Variants in RBM7 observed in about 807,000 individuals in gnomAD.
RBM7 encodes the protein RNA binding motif protein 7.
RBM7 carries 13 observed loss-of-function variants against 31.0 expected under a neutral mutation model. The observed-to-expected ratio is 0.42, with a 90% CI of 0.27 to 0.67. The LOEUF is 0.67. RBM7 is among the 30% of genes least tolerant of loss of function. The pLI, the probability that RBM7 is intolerant of heterozygous loss-of-function variation, is 0.24. For missense variants in RBM7, 245 were observed against 326.2 expected (o/e 0.75, Z 1.92); for synonymous variants, 106 against 111.2 (o/e 0.95, Z 0.30).
rs1274758320 is a variant in RBM7, at chr11:114,405,720, C to T, written c.362C>T (p.Thr121Ile). The T allele has an allele frequency of 1.3e-6, 2 of 1,589,234 alleles. No homozygotes were observed. Among genetic ancestry groups the T allele is most frequent in the Non-Finnish European group, 1.7e-6 (2 of 1,171,062 alleles). ...STSPSSRYER[T>I]MDNMTSSAQI... Reference sequence around the variant, plus strand: ...TTTCTTTTTAGCAGGTACGAAAGGACTATGGATAACATGACTTCATCAGCA... The same window carrying T: ...TTTCTTTTTAGCAGGTACGAAAGGATTATGGATAACATGACTTCATCAGCA... Residue 121 changes from threonine to isoleucine, a missense_variant, in exon 4 of 5, where the codon ACT becomes ATT. Physicochemically the swap from Thr to Ile is moderately conservative, Grantham distance 89. Coordinates refer to ENST00000375490, the MANE Select transcript of RBM7 (RefSeq NM_001286045.2).
chr11:114,407,084 C>T (rs1335902386), intron 4 of RBM7: 2 of 167,648 alleles, frequency 1.2e-5, no homozygotes, highest in Non-Finnish European at 2.6e-5. Context: ...CATATCTCTC[C>T]CTTAAAATAT....
At chr11:114,405,620 C>T (rs1946256350) in intron 3 of RBM7, 86 bp from the exon 4 acceptor site, 5 of 879,368 alleles carry the variant, frequency 5.7e-6, no homozygotes, top group Admixed American at 3.1e-5. Context: ...TTGTTCATTC[C>T]GACCTTTGAG....
intron 2 of RBM7, among the ~76,000 whole-genome samples, chr11:114,402,429 A>G (rs1181168419): frequency 4.5e-5 from 4 of 89,550 alleles, no homozygotes; most frequent in East Asian, 3.7e-4. Flanking sequence ...TTTGAGATGG[A>G]GTCTTGCCCT....
intron 3 of RBM7, 110 bp downstream of exon 3, chr11:114,403,025 C>A: frequency 1.0e-6 from 1 of 966,108 alleles, no homozygotes; most frequent in Non-Finnish European, 1.6e-6. Context: ...TCTCTTCATT[C>A]TGCCGTTATT....
intron 3 of RBM7, among the ~76,000 whole-genome samples, chr11:114,404,796 A>G (rs1946244719): frequency 6.6e-6 from 1 of 152,202 alleles, no homozygotes. Context: ...GCATACAGAT[A>G]ATATAACCTG....
At chr11:114,406,020 G>T in intron 4 of RBM7, 2 of 453,108 alleles carry the variant, frequency 4.4e-6, no homozygotes, top group South Asian at 3.0e-5. Context: ...GTTTTCACTG[G>T]GCTGAAATAT....
At chr11:114,402,969 T>C in intron 3 of RBM7, 54 bp downstream of exon 3, 1 of 1,401,092 alleles carries the variant, frequency 7.1e-7, no homozygotes, top group Non-Finnish European at 1.0e-6. Flanking sequence ...TTATAGGGAA[T>C]AGCCTCAAAA....
chr11:114,401,663 C>G (rs771996652), intron 1 of RBM7, 35 bp from the exon 2 acceptor site: 1 of 1,437,768 alleles, frequency 7.0e-7, no homozygotes, highest in Non-Finnish European at 9.2e-7. Context: ...CCCTTAGTTG[C>G]TTTATTTAAA....
rs1565261985 is a variant in RBM7, at chr11:114,407,531, A to G, written c.528A>G (p.Gln176=). The change falls in exon 5 of 5, where the codon CAA becomes CAG. Residue 176 remains glutamine (Q), a synonymous_variant. Coordinates refer to ENST00000375490, the MANE Select transcript of RBM7 (RefSeq NM_001286045.2). ...LDQSGFSPSV[Q]SHSHSFNQSS... ...AATCAGGATTTTCACCATCAGTTCA[A>G]TCACACAGTCATAGTTTCAATCAGT... 8 of 1,614,216 alleles carry G rather than the reference A, an allele frequency of 5.0e-6. No homozygotes were observed. The highest frequency in any genetic ancestry group is 5.9e-6 in the Non-Finnish European group (7 of 1,180,030).
At position 114,407,432 on chromosome 11, in the gene RBM7, T is replaced by C. The variant is rs1384222500; in HGVS notation, c.442-13T>C. ...CTAGAAGTATTAACATTTCCACTTT[T>C]CCTATTCCTCAGATGAACAGTGCTT... On this transcript the variant is annotated splice_polypyrimidine_tract_variant and intron_variant, in intron 4 of 4. Transcript: ENST00000375490. The C allele has an allele frequency of 5.0e-6, 8 of 1,596,092 alleles. No individual in the cohort carries two copies. In the South Asian group the frequency reaches 7.9e-5, roughly 16 times the overall value.
At chr11:114,404,818 C>T (rs967500451) in intron 3 of RBM7, among the ~76,000 whole-genome samples, 8 of 151,966 alleles carry the variant, frequency 5.3e-5, no homozygotes, top group African/African-American at 9.7e-5. Flanking sequence ...TTTGAAAAAA[C>T]GCAAAATTAA....
chr11:114,404,046 G>A lies in RBM7; in HGVS notation c.347+1131G>A, dbSNP rs555978321. On this transcript the variant is annotated intron_variant, in intron 3 of 4. Coordinates refer to ENST00000375490, the MANE Select transcript of RBM7 (RefSeq NM_001286045.2). Reference sequence around the variant, plus strand: ...AAATGGAGAGCAGTAGGGGATTTTGGTAGATAGGCTGGAGAGGGTCTTTTA... The same window carrying A: ...AAATGGAGAGCAGTAGGGGATTTTGATAGATAGGCTGGAGAGGGTCTTTTA... Among the ~76,000 whole-genome samples, 41 of 152,294 alleles carry A rather than the reference G, an allele frequency of 2.7e-4. No homozygotes were observed. The South Asian group carries it at 5.6e-3, about 21-fold the overall frequency.
chr11:114,401,723 T>C lies in RBM7; in HGVS notation c.122T>C (p.Ile41Thr), dbSNP rs768095341. 39 of 1,547,624 alleles carry C rather than the reference T, an allele frequency of 2.5e-5. No homozygotes were observed. The highest frequency in any genetic ancestry group is 4.5e-5 in the Admixed American group (2 of 44,686). Reference sequence around the variant, plus strand: ...GCTGGGCCAGTAATAAAGGTGAAAATTCCAAAAGATAAGGATGGTAAACCA... The same window carrying C: ...GCTGGGCCAGTAATAAAGGTGAAAACTCCAAAAGATAAGGATGGTAAACCA... ...HQAGPVIKVK[I>T]PKDKDGKPKQ... is the part of the protein sequence containing the mutation. Residue 41 changes from isoleucine (I) to threonine (T), a missense_variant, in exon 2 of 5, where the codon ATT (isoleucine) becomes ACT (threonine). Coordinates refer to ENST00000375490, the MANE Select transcript of RBM7 (RefSeq NM_001286045.2).
At position 114,402,830 on chromosome 11, in the gene RBM7, AGT is replaced by A; in HGVS notation, c.263_264del (p.Ser88LysfsTer27). ...TTTTTCAAATTGTTTCATTTTAGGA[AGT>A]AGTCATGCCCCACAAGATGTCAGTT... ...RPIKIQFRSG[S>X]SHAPQDVSLS... On this transcript the variant is annotated frameshift_variant, in exon 3 of 5. Coordinates refer to ENST00000375490, the MANE Select transcript of RBM7 (RefSeq NM_001286045.2). LOFTEE classifies it high-confidence loss of function. 2 of 1,610,536 alleles carry A rather than the reference AGT, an allele frequency of 1.2e-6. No homozygotes were observed. The highest frequency in any genetic ancestry group is 1.7e-6 in the Non-Finnish European group (2 of 1,177,178).
intron 4 of RBM7, 58 bp downstream of exon 4, chr11:114,405,857 G>A: frequency 8.2e-7 from 1 of 1,221,782 alleles, no homozygotes; most frequent in African/African-American, 1.5e-5. Flanking sequence ...TAGTTAAAAT[G>A]TTCGCATTGT....
At position 114,409,353 on chromosome 11, in the gene RBM7, A is replaced by G. The variant is rs1946309473; in HGVS notation, c.*1546A>G. 1.3e-5 allele frequency: 2 copies of G among 148,920 alleles called. No homozygotes were observed. The highest frequency in any genetic ancestry group is 4.9e-5 in the African/African-American group (2 of 40,648). The allele number at this position is 148,920 out of a possible 1,614,324, so 9.2% of individuals were successfully genotyped here. A position where few individuals can be genotyped will look rare whatever the true frequency, so the allele number is the denominator to read the frequency against. On this transcript the variant is annotated 3_prime_UTR_variant, in exon 5 of 5. Transcript: ENST00000375490. ...AGTAGGTTTGTAGATGTTAACGAAGATTAATACTGCATGTTTGTTTTTGTT... is the reference window on the plus strand; with the variant it reads ...AGTAGGTTTGTAGATGTTAACGAAGGTTAATACTGCATGTTTGTTTTTGTT...
intron 2 of RBM7, among the ~76,000 whole-genome samples, chr11:114,402,382 C>CTTTTTCTTTTTTTTTT (rs1946215146): frequency 4.0e-5 from 2 of 50,126 alleles, no homozygotes; most frequent in African/African-American, 1.4e-4. Flanking sequence ...GCTTGAGATT[C>CTTTTTCTTTTTTTTTT]TTTTTTTTTT....
chr11:114,405,889 T>A, intron 4 of RBM7, 90 bp downstream of exon 4: 1 of 904,484 alleles, frequency 1.1e-6, no homozygotes, highest in Non-Finnish European at 1.6e-6. Context: ...GGTTTTTAAT[T>A]AACTTTGTTA....
Position 114,407,907 on chromosome 11 carries a change from C to T in RBM7, c.*100C>T. On this transcript the variant is annotated 3_prime_UTR_variant, in exon 5 of 5. Transcript: ENST00000375490. The stretch of plus-strand genomic sequence containing the variant: ...TGAAAAACTGTACAGAGCAGCTTTA[C>T]AAGTTGTCACATTTCTTTATAAATT... 3.1e-6 allele frequency: 4 copies of T among 1,310,446 alleles called. No homozygotes were observed. The highest frequency in any genetic ancestry group is 1.5e-5 in the African/African-American group (1 of 67,520). 81.2% of individuals were successfully genotyped at this position (1,310,446 alleles called of 1,614,324 possible).
Sources: gnomAD v4.1 joint callset for allele counts (sites outside exome capture counted in the v4.1 genomes callset) on GRCh38, gnomAD v4.1.1 for gene constraint, MANE v1.5 for transcripts, NCBI Gene and HGNC (gene_info 2026-07-23, HGNC 2026-07-21) for gene names.